Variants in LARGE1 observed in about 807,000 individuals in gnomAD.
LARGE1 encodes xylosyl- and glucuronyltransferase LARGE1.
A neutral mutation model predicts 87.6 loss-of-function variants in LARGE1; 43 were observed. That is an observed-to-expected ratio of 0.49 (90% CI 0.38 to 0.63). The LOEUF (loss-of-function observed/expected upper bound fraction) is 0.63, where lower values mean the gene tolerates loss of function less well. LARGE1 is among the 30% of genes least tolerant of loss of function. LARGE1 has a pLI of 0.00. For missense variants in LARGE1, 802 were observed against 1,000.2 expected, an observed-to-expected ratio of 0.80 and a Z score of 2.67; for synonymous variants, 434 against 394.6, an observed-to-expected ratio of 1.10 and a Z score of -1.18.
chr22:33,655,812 C>T (rs1005797679), intron 2 of LARGE1, among the ~76,000 whole-genome samples: 8 of 152,124 alleles, frequency 5.3e-5, no homozygotes, highest in African/African-American at 1.9e-4. Context: ...ATGCCTAGCA[C>T]ATCATAAACT....
At chr22:33,113,672 T>G in the LARGE1 span, among the ~76,000 whole-genome samples, 2 of 152,210 alleles carry the variant, frequency 1.3e-5, no homozygotes, top group African/African-American at 4.8e-5. Flanking sequence ...CCTCAGTTGG[T>G]TCAACTGTTA....
chr22:33,349,200 A>G (rs79412139), intron 9 of LARGE1, among the ~76,000 whole-genome samples: 10,693 of 152,286 alleles, frequency 0.07, 509 homozygotes, highest in Non-Finnish European at 0.098. Flanking sequence ...AGATTGAATT[A>G]TAACACTGGC....
intron 6 of LARGE1, among the ~76,000 whole-genome samples, chr22:33,453,258 T>C (rs2068009784): frequency 6.6e-6 from 1 of 151,836 alleles, no homozygotes. Flanking sequence ...CTACTAAAAA[T>C]ACAAAAATTA....
intron 7 of LARGE1, among the ~76,000 whole-genome samples, chr22:33,428,261 C>T (rs189374373): frequency 1.3e-5 from 2 of 151,440 alleles, no homozygotes; most frequent in East Asian, 3.9e-4. Context: ...TCAGGCTAGG[C>T]TCATTAAACA....
intron 11 of LARGE1, among the ~76,000 whole-genome samples, chr22:33,223,678 G>A (rs555737838): frequency 1.3e-5 from 2 of 152,268 alleles, no homozygotes; most frequent in Non-Finnish European, 2.9e-5. Flanking sequence ...GCCCCTCAGA[G>A]GTCACCTACT....
chr22:33,391,390 G>C (rs1353622255), intron 7 of LARGE1, among the ~76,000 whole-genome samples: 3 of 152,248 alleles, frequency 2.0e-5, no homozygotes, highest in East Asian at 3.9e-4. Flanking sequence ...AACTATGGGA[G>C]CTGGGGTACA....
At chr22:33,610,575 G>A (rs999659803) in intron 4 of LARGE1, among the ~76,000 whole-genome samples, 5 of 152,154 alleles carry the variant, frequency 3.3e-5, no homozygotes, top group Non-Finnish European at 7.4e-5. Context: ...GAAGCAGGGT[G>A]TAAAAATTTG....
At chr22:33,100,171 A>G in the LARGE1 span, among the ~76,000 whole-genome samples, 2 of 152,040 alleles carry the variant, frequency 1.3e-5, no homozygotes, top group East Asian at 1.9e-4. Context: ...CCCTGTCTCT[A>G]CTAAAACAAA....
intron 11 of LARGE1, among the ~76,000 whole-genome samples, chr22:33,225,802 A>T (rs1411826485): frequency 6.6e-6 from 1 of 152,204 alleles, no homozygotes; most frequent in Non-Finnish European, 1.5e-5. Context: ...ATAAATGATA[A>T]CATGTGGTAT....
intron 10 of LARGE1, among the ~76,000 whole-genome samples, chr22:33,325,639 G>A (rs191670715): frequency 6.6e-6 from 1 of 152,186 alleles, no homozygotes; most frequent in African/African-American, 2.4e-5. Context: ...AATGCTTGTA[G>A]CCTGTAAGTG....
chr22:33,166,441 A>T (rs996041752), exon 12 of LARGE1: 1 of 255,746 alleles, frequency 3.9e-6, no homozygotes. Context: ...TACCACGGGG[A>T]TGTTCATCTG....
intron 1 of LARGE1, among the ~76,000 whole-genome samples, chr22:33,884,295 C>A (rs1293940559): frequency 5.3e-5 from 8 of 152,192 alleles, no homozygotes; most frequent in Non-Finnish European, 2.9e-5. Flanking sequence ...AGCGATCATG[C>A]GCTTGCAGGG....
rs142539446 is a variant in LARGE1, at chr22:33,857,332, T to C, written c.-83+62663A>G. On this transcript the variant is annotated intron_variant, in intron 1 of 14. Transcript: ENST00000397394. The stretch of plus-strand genomic sequence containing the variant: ...CTCAAGGGCAGGAGAAAAAAATCCA[T>C]TGGGAGCTTTTGATACCCAGACAGC... Among the ~76,000 whole-genome samples, 1,032 of 152,310 alleles carry C rather than the reference T, an allele frequency of 6.8e-3. 1 individual carries two copies. The highest frequency in any genetic ancestry group is 0.01 in the Non-Finnish European group (687 of 68,028).
At chr22:33,153,526 G>T in the LARGE1 span, among the ~76,000 whole-genome samples, 1 of 152,166 alleles carries the variant, frequency 6.6e-6, no homozygotes, top group South Asian at 2.1e-4. Context: ...CCTTTCTTAA[G>T]GTTTGTTGTG....
rs77984742 is a variant in LARGE1, at chr22:33,390,396, C to T, written c.893-6092G>A. Among the ~76,000 whole-genome samples the T allele has an allele frequency of 4.0e-3, 611 of 152,216 alleles. 3 individuals carry two copies. The highest frequency in any genetic ancestry group is 0.014 in the African/African-American group (586 of 41,518). On this transcript the variant is annotated intron_variant, in intron 7 of 14. Transcript: ENST00000397394. ...GTGCTGAGGATGGAGGTGATGTTTC[C>T]GATGTCACAGTGCTGGCAACTGCTT...
At chr22:33,369,049 G>A (rs919784505) in intron 9 of LARGE1, among the ~76,000 whole-genome samples, 21 of 152,050 alleles carry the variant, frequency 1.4e-4, no homozygotes, top group Non-Finnish European at 5.9e-5. Context: ...CACATGGATC[G>A]ACTCTTCCTT....
chr22:33,476,981 GC>G (rs1342682582), intron 6 of LARGE1, among the ~76,000 whole-genome samples: 2 of 152,170 alleles, frequency 1.3e-5, no homozygotes, highest in Non-Finnish European at 2.9e-5. Flanking sequence ...ACAGTGGGGA[GC>G]CTTCTGAGCC....
In LARGE1 at chr22:33,265,164, G is replaced by A. The variant is rs373264105; in HGVS notation, c.1730+39065C>T. On this transcript the variant is annotated intron_variant, in intron 11 of 11. Coordinates refer to the LARGE1 transcript ENST00000608642. ...AGGTGACCCTCCCATCTCAGCCTCC[G>A]AAAGTGCTGGGATTACAGGCGTAAA... is the stretch of plus-strand genomic sequence containing the variant. 2.3e-3 allele frequency among the ~76,000 whole-genome samples: 342 copies of A among 151,868 alleles called. 4 individuals carry two copies. Among genetic ancestry groups the A allele is most frequent in the African/African-American group, 7.5e-3 (310 of 41,438 alleles).
intron 2 of LARGE1, among the ~76,000 whole-genome samples, chr22:33,690,361 A>T (rs2082061505): frequency 6.6e-6 from 1 of 152,220 alleles, no homozygotes; most frequent in African/African-American, 2.4e-5. Flanking sequence ...CTAACTAAGT[A>T]TACCCATGAA....
Sources: allele counts gnomAD v4.1 joint callset (sites outside exome capture counted in the v4.1 genomes callset), GRCh38; gene constraint gnomAD v4.1.1; transcripts MANE v1.5; gene names NCBI Gene and HGNC (gene_info 2026-07-23, HGNC 2026-07-21).